Variants in HDAC4 observed in about 807,000 individuals in gnomAD.
HDAC4 encodes the protein histone deacetylase 4.
Under a neutral mutation model 135.1 loss-of-function variants are expected in HDAC4, and 16 were observed. The ratio of observed to expected loss-of-function variants is 0.12; its 90% confidence interval spans 0.08 to 0.18. The LOEUF is 0.18. HDAC4 is among the 10% of genes least tolerant of loss of function. The pLI is 1.00. For missense variants in HDAC4, 1,143 were observed against 1,511.8 expected, an observed-to-expected ratio of 0.76 and a Z score of 4.05; for synonymous variants, 685 against 653.4, an observed-to-expected ratio of 1.05 and a Z score of -0.74.
chr2:239,350,185 G>C (rs1014484551), intron 2 of HDAC4, among the ~76,000 whole-genome samples: 2 of 151,582 alleles, frequency 1.3e-5, no homozygotes, highest in South Asian at 4.2e-4. Context: ...ATAAGCTCTC[G>C]GTCAAAGAAA....
chr2:239,263,956 G>A (rs551599206), intron 2 of HDAC4, among the ~76,000 whole-genome samples: 2 of 152,322 alleles, frequency 1.3e-5, no homozygotes, highest in South Asian at 4.1e-4. Context: ...AGTCTGAAAG[G>A]AAGGGTACGT....
At chr2:239,134,755 G>A (rs1268639161) in intron 9 of HDAC4, 112 bp from the exon 10 acceptor site, 18 of 802,608 alleles carry the variant, frequency 2.2e-5, no homozygotes, top group Non-Finnish European at 2.9e-5. Context: ...ATATATGAGC[G>A]TAAACGTACA....
At chr2:239,346,810 C>T (rs1195233343) in intron 2 of HDAC4, among the ~76,000 whole-genome samples, 1 of 142,400 alleles carries the variant, frequency 7.0e-6, no homozygotes, top group Non-Finnish European at 1.5e-5. Flanking sequence ...CACACCCTGT[C>T]TAAAACACAC....
chr2:239,057,236 TAAA>T (rs1378188438), intron 24 of HDAC4, among the ~76,000 whole-genome samples: 5 of 152,150 alleles, frequency 3.3e-5, no homozygotes, highest in Admixed American at 6.5e-5. Context: ...TATCCAAAAA[TAAA>T]AAGTTTATTA....
intron 2 of HDAC4, among the ~76,000 whole-genome samples, chr2:239,314,284 C>T (rs533874402): frequency 4.0e-4 from 61 of 152,282 alleles, no homozygotes; most frequent in African/African-American, 1.4e-3. Context: ...GGAAAGACCT[C>T]AGTTGTAGGA....
intron 3 of HDAC4, among the ~76,000 whole-genome samples, chr2:239,194,642 C>A (rs755790643): frequency 4.6e-5 from 7 of 152,216 alleles, no homozygotes; most frequent in Non-Finnish European, 8.8e-5. Context: ...AACTGCTGCC[C>A]AAATCTTCTG....
At chr2:239,193,819 C>G (rs532056691) in intron 3 of HDAC4, among the ~76,000 whole-genome samples, 1 of 152,338 alleles carries the variant, frequency 6.6e-6, no homozygotes, top group Non-Finnish European at 1.5e-5. Context: ...CTCAGATTCC[C>G]CTGAATCTGG....
At chr2:239,218,254 T>A (rs1445106823) in intron 3 of HDAC4, among the ~76,000 whole-genome samples, 1 of 152,154 alleles carries the variant, frequency 6.6e-6, no homozygotes, top group African/African-American at 2.4e-5. Context: ...AAATCCATAC[T>A]GGTACCAAAA....
chr2:239,383,043 G>C lies in HDAC4; in HGVS notation c.-220+17935C>G, dbSNP rs540521602. 2.6e-5 allele frequency among the ~76,000 whole-genome samples: 4 copies of C among 152,274 alleles called. No homozygotes were observed. In the South Asian group the frequency reaches 8.3e-4, roughly 32 times the overall value. On this transcript the variant is annotated intron_variant, in intron 1 of 26. Transcript: ENST00000543185. ...CAGCTTACACTTTCTAACAACTCAAGTGAAGTGTTCATTTCACTGTGTAAC... is the reference window on the plus strand; with the variant it reads ...CAGCTTACACTTTCTAACAACTCAACTGAAGTGTTCATTTCACTGTGTAAC...
At chr2:239,289,906 T>C (rs887201708) in intron 2 of HDAC4, among the ~76,000 whole-genome samples, 2 of 152,266 alleles carry the variant, frequency 1.3e-5, no homozygotes, top group African/African-American at 4.8e-5. Flanking sequence ...CTTATCCTCT[T>C]GATGGTTCAC....
intron 1 of HDAC4, among the ~76,000 whole-genome samples, chr2:239,392,808 T>A (rs1217981307): frequency 6.6e-6 from 1 of 152,222 alleles, no homozygotes; most frequent in Non-Finnish European, 1.5e-5. Flanking sequence ...GGGGGCCCAC[T>A]TTCTGCCACT....
intron 3 of HDAC4, among the ~76,000 whole-genome samples, chr2:239,218,603 C>A (rs1314488837): frequency 6.6e-6 from 1 of 150,680 alleles, no homozygotes; most frequent in African/African-American, 2.4e-5. Context: ...GCAACAAAAG[C>A]CAAAATTGAC....
At chr2:239,227,499 C>T (rs1212467895) in intron 3 of HDAC4, among the ~76,000 whole-genome samples, 1 of 152,166 alleles carries the variant, frequency 6.6e-6, no homozygotes, top group Non-Finnish European at 1.5e-5. Context: ...GCCTCAGTGC[C>T]CTCTGCTACA....
intron 3 of HDAC4, among the ~76,000 whole-genome samples, chr2:239,202,984 A>G (rs547586295): frequency 2.0e-5 from 3 of 152,288 alleles, no homozygotes; most frequent in African/African-American, 4.8e-5. Context: ...GATGTAGGCT[A>G]CGGGGTGCAG....
chr2:239,094,846 G>A lies in HDAC4; in HGVS notation c.2280+164C>T, dbSNP rs573555676. The stretch of plus-strand genomic sequence containing the variant: ...AGGTGCCCGAGTCGGCGATCAAAAC[G>A]CTCTCGGCTCACACGGCCTTTGAAG... On this transcript the variant is annotated intron_variant, in intron 17 of 26. Transcript: ENST00000543185. 6.0e-5 allele frequency: 92 copies of A among 1,542,656 alleles called. No homozygotes were observed. The Middle Eastern group carries it at 7.0e-4, about 12-fold the overall frequency.
intron 2 of HDAC4, among the ~76,000 whole-genome samples, chr2:239,345,575 A>T (rs1489888940): frequency 6.6e-6 from 1 of 151,342 alleles, no homozygotes; most frequent in Non-Finnish European, 1.5e-5. Flanking sequence ...CACCCAACAC[A>T]CACACACGGA....
chr2:239,158,192 C>G (rs1411766902), intron 6 of HDAC4, among the ~76,000 whole-genome samples: 1 of 152,170 alleles, frequency 6.6e-6, no homozygotes, highest in Non-Finnish European at 1.5e-5. Context: ...CTGGGGGCAA[C>G]ACTCTTTCTC....
chr2:239,251,184 T>C (rs747966898), intron 2 of HDAC4, among the ~76,000 whole-genome samples: 33 of 152,236 alleles, frequency 2.2e-4, no homozygotes, highest in Non-Finnish European at 3.8e-4. Context: ...ATACACCACG[T>C]AGTTTTATTT....
intron 20 of HDAC4, among the ~76,000 whole-genome samples, chr2:239,083,364 G>A (rs2035544644): frequency 6.6e-6 from 1 of 152,186 alleles, no homozygotes; most frequent in Non-Finnish European, 1.5e-5. Context: ...GGGTGTGGGG[G>A]ACCCGCTGCT....
Sources: gnomAD v4.1 joint callset for allele counts (sites outside exome capture counted in the v4.1 genomes callset) on GRCh38, gnomAD v4.1.1 for gene constraint, MANE v1.5 for transcripts, NCBI Gene and HGNC (gene_info 2026-07-23, HGNC 2026-07-21) for gene names.